PLEKHA3: variants seen among roughly 807,000 people sequenced by gnomAD.
PLEKHA3 encodes pleckstrin homology domain-containing family A member 3.
A neutral mutation model predicts 39.2 loss-of-function variants in PLEKHA3; 19 were observed. That is an observed-to-expected ratio of 0.48 (90% CI 0.34 to 0.71). PLEKHA3 has a LOEUF of 0.71. PLEKHA3 is among the 30% of genes least tolerant of loss of function. PLEKHA3 has a pLI of 0.01. For synonymous variants in PLEKHA3, 97 were observed against 118.6 expected (o/e 0.82, Z 1.18); for missense variants, 253 against 359.5 (o/e 0.70, Z 2.40).
At chr2:178,481,369 G>C (rs1351676909) in intron 1 of PLEKHA3, among the ~76,000 whole-genome samples, 1 of 151,908 alleles carries the variant, frequency 6.6e-6, no homozygotes. Flanking sequence ...TATTTAAAAC[G>C]TTGTCTTGTT....
rs1685730595 is a variant in PLEKHA3 at position 178,514,395 on chromosome 2, C to T, written c.*10508C>T. 1 of 152,130 alleles carries T rather than the reference C, an allele frequency of 6.6e-6. No homozygotes were observed. Among genetic ancestry groups the T allele is most frequent in the African/African-American group, 2.4e-5 (1 of 41,422 alleles). The allele number at this position is 152,130 out of a possible 1,614,324, so 9.4% of individuals were successfully genotyped here. A position where few individuals can be genotyped will look rare whatever the true frequency, so the allele number is the denominator to read the frequency against. On this transcript the variant is annotated 3_prime_UTR_variant, in exon 8 of 8. Transcript: ENST00000234453. ...GGGCAATGGGTATATTCTAACTTTG[C>T]ATAACTTTGCTAGATTATATATATC...
At position 178,506,253 on chromosome 2, in the gene PLEKHA3, T is replaced by C. The variant is rs1421195772; in HGVS notation, c.*2366T>C. The C allele has an allele frequency of 6.6e-6, 1 of 152,106 alleles. No individual in the cohort carries two copies. The highest frequency in any genetic ancestry group is 1.5e-5 in the Non-Finnish European group (1 of 67,984). The allele number at this position is 152,106 out of a possible 1,614,324, so 9.4% of individuals were successfully genotyped here. Reference sequence around the variant, plus strand: ...AGAAACATGAAAAGTTATTGAGAAATTTGGAGGTTCTCTTGGCAGCCTATC... The same window carrying C: ...AGAAACATGAAAAGTTATTGAGAAACTTGGAGGTTCTCTTGGCAGCCTATC... On this transcript the variant is annotated 3_prime_UTR_variant, in exon 8 of 8. Transcript: ENST00000234453.
In PLEKHA3 at chr2:178,495,616, C is replaced by T. The variant is rs987966688; in HGVS notation, c.571C>T (p.Pro191Ser). The change falls in exon 5 of 8, where the codon CCG becomes TCG. Residue 191 changes from proline (P) to serine (S), a missense_variant. Around this residue, in one of 2 missense-constraint regions of PLEKHA3, gnomAD observed 127 missense variants for 136.8 expected, o/e 0.93. Transcript: ENST00000234453. ...ACCTGAGATGTTTCAACTGCACCAT[C>T]CGGATCCCTTAGTTTCTCCTGTGTC... ...FKPEMFQLHH[P>S]DPLVSPVSPS... 5.0e-6 allele frequency: 8 copies of T among 1,613,664 alleles called. No individual in the cohort carries two copies. Among genetic ancestry groups the T allele is most frequent in the Non-Finnish European group, 6.8e-6 (8 of 1,179,742 alleles).
chr2:178,502,493 A>T (rs1020234063), intron 7 of PLEKHA3: 5 of 257,008 alleles, frequency 1.9e-5, no homozygotes, highest in Admixed American at 5.5e-5. Context: ...GGTAAGATAG[A>T]CTCTGATTCT....
rs1685576631 is a variant in PLEKHA3 at position 178,504,538 on chromosome 2, T to C, written c.*651T>C. On this transcript the variant is annotated 3_prime_UTR_variant, in exon 8 of 8. Transcript: ENST00000234453. ...TTTAATTTTTATGTATTTATTTTCT[T>C]GTTGCCTCAAAAGATGATTGCATTC... 1 of 152,420 alleles carries C rather than the reference T, an allele frequency of 6.6e-6. No homozygotes were observed. The highest frequency in any genetic ancestry group is 6.6e-5 in the Admixed American group (1 of 15,236). 9.4% of individuals were successfully genotyped at this position (152,420 alleles called of 1,614,324 possible). A position where few individuals can be genotyped will look rare whatever the true frequency, so the allele number is the denominator to read the frequency against.
rs1685684163 is a variant in PLEKHA3, at chr2:178,511,458, C to G, written c.*7571C>G. ...ACACGATCTTGGCTCACTGCAACCT[C>G]CACCTCCGGGGCTCAAGCAATTCTC... On this transcript the variant is annotated 3_prime_UTR_variant, in exon 8 of 8. Transcript: ENST00000234453. The G allele has an allele frequency of 6.6e-6, 1 of 151,706 alleles. No homozygotes were observed. Among genetic ancestry groups the G allele is most frequent in the African/African-American group, 2.4e-5 (1 of 41,246 alleles). 9.4% of individuals were successfully genotyped at this position (151,706 alleles called of 1,614,324 possible). A position where few individuals can be genotyped will look rare whatever the true frequency, so the allele number is the denominator to read the frequency against.
Position 178,511,837 on chromosome 2 carries a change from G to A in PLEKHA3, c.*7950G>A, listed in dbSNP as rs1017290724. 4.3e-4 allele frequency: 66 copies of A among 152,152 alleles called. No individual in the cohort carries two copies. Among genetic ancestry groups the A allele is most frequent in the African/African-American group, 6.3e-4 (26 of 41,426 alleles). 9.4% of individuals were successfully genotyped at this position (152,152 alleles called of 1,614,324 possible). On this transcript the variant is annotated 3_prime_UTR_variant, in exon 8 of 8. Coordinates refer to ENST00000234453, the MANE Select transcript of PLEKHA3 (RefSeq NM_019091.4). ...CTGACCTGACCTCTCCATCTTTGGC[G>A]TCCTTATGCTGCCTCTTCTCCAAAT... is the stretch of plus-strand genomic sequence containing the variant.
At chr2:178,491,782 A>C (rs1038748631) in intron 3 of PLEKHA3, among the ~76,000 whole-genome samples, 2 of 152,138 alleles carry the variant, frequency 1.3e-5, no homozygotes, top group African/African-American at 4.8e-5. Context: ...TAGAGGCTGG[A>C]AGTTCAAGAT....
chr2:178,501,000 G>T, intron 6 of PLEKHA3, 61 bp from the exon 7 acceptor site: 1 of 1,006,200 alleles, frequency 9.9e-7, no homozygotes, highest in Non-Finnish European at 1.5e-6. Flanking sequence ...TAAAATTCCA[G>T]TTGAGTGTGT....
At chr2:178,493,789 T>G in intron 3 of PLEKHA3, 64 bp from the exon 4 acceptor site, 1 of 1,417,632 alleles carries the variant, frequency 7.1e-7, no homozygotes, top group Non-Finnish European at 9.7e-7. Context: ...ATGATTACAT[T>G]TTGTTACATT....
At position 178,509,618 on chromosome 2, in the gene PLEKHA3, C is replaced by T. The variant is rs1383353220; in HGVS notation, c.*5731C>T. On this transcript the variant is annotated 3_prime_UTR_variant, in exon 8 of 8. Coordinates refer to ENST00000234453, the MANE Select transcript of PLEKHA3 (RefSeq NM_019091.4). Reference sequence around the variant, plus strand: ...TCAGCCTCCCGAATAACTAGGACTACAGGCATGCACCACTACTCCTGGCTA... The same window carrying T: ...TCAGCCTCCCGAATAACTAGGACTATAGGCATGCACCACTACTCCTGGCTA... The T allele has an allele frequency of 6.6e-6, 1 of 152,164 alleles. No individual in the cohort carries two copies. The highest frequency in any genetic ancestry group is 2.4e-5 in the African/African-American group (1 of 41,390). The allele number at this position is 152,164 out of a possible 1,614,324, so 9.4% of individuals were successfully genotyped here.
chr2:178,495,847 G>C (rs1685434697), intron 5 of PLEKHA3, among the ~76,000 whole-genome samples, 187 bp downstream of exon 5: 1 of 152,214 alleles, frequency 6.6e-6, no homozygotes, highest in Non-Finnish European at 1.5e-5. Flanking sequence ...GAGCACTTGT[G>C]CTAGTGTCCT....
chr2:178,497,557 T>C lies in PLEKHA3; in HGVS notation c.616-1654T>C, dbSNP rs143262905. Among the ~76,000 whole-genome samples the C allele has an allele frequency of 1.4e-3, 218 of 152,316 alleles. 5 individuals are homozygous for C. The South Asian group carries it at 0.022, about 15-fold the overall frequency. ...TTTTATGTATTTTTTAATACCATCT[T>C]ACAGGACTGTGGTGTGGTGTTGAGT... On this transcript the variant is annotated intron_variant, in intron 5 of 7. Coordinates refer to ENST00000234453, the MANE Select transcript of PLEKHA3 (RefSeq NM_019091.4).
rs1437240320 is a variant in PLEKHA3 at position 178,480,595 on chromosome 2, C to A, written c.-275C>A. 3 of 278,610 alleles carry A rather than the reference C, an allele frequency of 1.1e-5. No homozygotes were observed. 17.3% of individuals were successfully genotyped at this position (278,610 alleles called of 1,614,324 possible). ...GCGGAAGCGCGAGCAGGAGGCCGGT[C>A]GCGGGCGCATTTTTGCCGTTGTCGC... On this transcript the variant is annotated 5_prime_UTR_variant, in exon 1 of 8. Transcript: ENST00000234453.
rs1685641471 is a variant in PLEKHA3, at chr2:178,508,834, C to T, written c.*4947C>T. On this transcript the variant is annotated 3_prime_UTR_variant, in exon 8 of 8. Transcript: ENST00000234453. ...GACCCTCAGGTTCAGTTTTTCCTGT[C>T]AGTGGAGGTTGAGGGTGGGGCGTAG... 6.5e-6 allele frequency: 1 copy of T among 153,830 alleles called. No individual in the cohort carries two copies. Among genetic ancestry groups the T allele is most frequent in the South Asian group, 2.1e-4 (1 of 4,830 alleles). 9.5% of individuals were successfully genotyped at this position (153,830 alleles called of 1,614,324 possible).
In PLEKHA3 at chr2:178,502,278, C is replaced by T. The variant is rs1685538046; in HGVS notation, c.775+1102C>T. On this transcript the variant is annotated intron_variant, in intron 7 of 7. Coordinates refer to ENST00000234453, the MANE Select transcript of PLEKHA3 (RefSeq NM_019091.4). ...TTTTTTTTTAAACTGAATTAATCAT[C>T]TATTTATTAATATATGGCACTATTC... 10 of 182,110 alleles carry T rather than the reference C, an allele frequency of 5.5e-5. No homozygotes were observed. The South Asian group carries it at 6.3e-4, about 12-fold the overall frequency. The allele number at this position is 182,110 out of a possible 1,614,324, so 11.3% of individuals were successfully genotyped here.
chr2:178,500,981 G>T (rs1348425936), intron 6 of PLEKHA3, 80 bp from the exon 7 acceptor site: 2 of 846,392 alleles, frequency 2.4e-6, no homozygotes, highest in African/African-American at 3.4e-5. Context: ...CACTTAAAGA[G>T]AAGTCATTTA....
Position 178,501,110 on chromosome 2 carries a change from C to T in PLEKHA3, c.709C>T (p.Gln237Ter). 1 of 1,613,370 alleles carries T rather than the reference C, an allele frequency of 6.2e-7. No homozygotes were observed. ...EPVSTLHRLS[Q>*]RRRRTYSDTD... ...AGTATCTACACTTCACCGACTCTCCCAGCGACGCCGAAGAACCTACTCAGA... is the reference window on the plus strand; with the variant it reads ...AGTATCTACACTTCACCGACTCTCCTAGCGACGCCGAAGAACCTACTCAGA... Residue 237 changes from glutamine (Q) to a stop codon, truncating the protein, a stop_gained, in exon 7 of 8, where the codon CAG (glutamine) becomes TAG (stop). Transcript: ENST00000234453. LOFTEE classifies it high-confidence loss of function.
rs372646170 is a variant in PLEKHA3 at position 178,500,422 on chromosome 2, A to T, written c.660-639A>T. ...TTATTTTTATGAAAGAAATTTTTCT[A>T]TCCTTTCTACCTCATAAAATAATAA... On this transcript the variant is annotated intron_variant, in intron 6 of 7. Transcript: ENST00000234453. Among the ~76,000 whole-genome samples the T allele has an allele frequency of 5.3e-5, 8 of 152,096 alleles. No individual in the cohort carries two copies. In the South Asian group the frequency reaches 1.7e-3, roughly 31 times the overall value.
Sources: gnomAD v4.1 joint callset for allele counts (sites outside exome capture counted in the v4.1 genomes callset) on GRCh38, gnomAD v4.1.1 for gene constraint, gnomAD v4.1.1 regional missense constraint, MANE v1.5 for transcripts, NCBI Gene and HGNC (gene_info 2026-07-23, HGNC 2026-07-21) for gene names.